Variants in PTPRR observed in about 807,000 individuals in gnomAD.
PTPRR encodes the protein receptor-type tyrosine-protein phosphatase R.
PTPRR carries 38 observed loss-of-function variants against 77.2 expected under a neutral mutation model. The ratio of observed to expected loss-of-function variants is 0.49; its 90% CI spans 0.38 to 0.65. The LOEUF (loss-of-function observed/expected upper bound fraction) is 0.65. Among genes scored for constraint, PTPRR ranks in the 30% least tolerant of loss-of-function variants. PTPRR has a pLI of 0.00. For missense variants in PTPRR, 744 were observed against 799.2 expected, an observed-to-expected ratio of 0.93 and a Z score of 0.83; for synonymous variants, 299 against 283.1, an observed-to-expected ratio of 1.06 and a Z score of -0.57.
chr12:70,661,224 T>A, intron 11 of PTPRR, 127 bp from the exon 12 acceptor site: 1 of 1,245,998 alleles, frequency 8.0e-7, no homozygotes, highest in Non-Finnish European at 1.1e-6. Flanking sequence ...GGGAAAAAAA[T>A]TTAGAAGATT....
intron 2 of PTPRR, among the ~76,000 whole-genome samples, chr12:70,828,143 A>G (rs1321257142): frequency 1.3e-5 from 2 of 152,170 alleles, no homozygotes; most frequent in Non-Finnish European, 2.9e-5. Context: ...AGGGACATAC[A>G]TATTCAGTCT....
intron 1 of PTPRR, among the ~76,000 whole-genome samples, chr12:70,898,970 T>C (rs1370226738): frequency 6.6e-6 from 1 of 151,468 alleles, no homozygotes; most frequent in African/African-American, 2.4e-5. Flanking sequence ...AATTCAACAA[T>C]TTAGATAAAA....
chr12:70,810,844 T>G (rs1308264494), intron 2 of PTPRR, among the ~76,000 whole-genome samples: 1 of 152,182 alleles, frequency 6.6e-6, no homozygotes, highest in African/African-American at 2.4e-5. Flanking sequence ...CCAATTACCT[T>G]TAAGACCTCA....
intron 2 of PTPRR, among the ~76,000 whole-genome samples, chr12:70,865,507 G>A (rs1214789188): frequency 6.6e-6 from 1 of 152,090 alleles, no homozygotes; most frequent in African/African-American, 2.4e-5. Flanking sequence ...GCCTCGCCTA[G>A]GTGTTGGTGG....
At chr12:70,834,836 C>T (rs1319984725) in intron 2 of PTPRR, among the ~76,000 whole-genome samples, 1 of 152,134 alleles carries the variant, frequency 6.6e-6, no homozygotes, top group East Asian at 1.9e-4. Context: ...GCCTTCCTGG[C>T]TAGAGAATAT....
intron 2 of PTPRR, among the ~76,000 whole-genome samples, chr12:70,884,004 A>G (rs1242619856): frequency 6.6e-6 from 1 of 152,170 alleles, no homozygotes; most frequent in Non-Finnish European, 1.5e-5. Flanking sequence ...GGGTCTGTGG[A>G]TATCTCCCAG....
At chr12:70,647,509 C>T (rs1886243880) in intron 13 of PTPRR, among the ~76,000 whole-genome samples, 1 of 152,226 alleles carries the variant, frequency 6.6e-6, no homozygotes, top group Admixed American at 6.5e-5. Flanking sequence ...AAATGACCTT[C>T]TGTCACTATC....
chr12:70,649,782 C>T (rs1886328592), intron 13 of PTPRR, among the ~76,000 whole-genome samples: 1 of 151,962 alleles, frequency 6.6e-6, no homozygotes, highest in Non-Finnish European at 1.5e-5. Context: ...ACCATGTTGG[C>T]CAGGCTGGTT....
At chr12:70,865,762 C>A (rs1448379899) in intron 2 of PTPRR, among the ~76,000 whole-genome samples, 1 of 152,076 alleles carries the variant, frequency 6.6e-6, no homozygotes, top group Non-Finnish European at 1.5e-5. Flanking sequence ...AACTCAGATA[C>A]TTAATACAGG....
At chr12:70,756,096 G>T (rs1048071092) in intron 4 of PTPRR, among the ~76,000 whole-genome samples, 1 of 152,016 alleles carries the variant, frequency 6.6e-6, no homozygotes, top group Non-Finnish European at 1.5e-5. Flanking sequence ...TTAGGTGGGT[G>T]GAAAGAGATT....
intron 6 of PTPRR, among the ~76,000 whole-genome samples, chr12:70,723,339 C>CT (rs1027133661): frequency 2.3e-4 from 35 of 148,946 alleles, no homozygotes; most frequent in Admixed American, 5.4e-4. Context: ...TTTTTGAGGG[C>CT]TTTTTTTTTT....
At chr12:70,814,767 G>T (rs1891871172) in intron 2 of PTPRR, among the ~76,000 whole-genome samples, 1 of 152,170 alleles carries the variant, frequency 6.6e-6, no homozygotes, top group Non-Finnish European at 1.5e-5. Context: ...AACTGCTCTG[G>T]TTCCACCTAG....
chr12:70,764,891 A>G (rs1890778970), intron 2 of PTPRR, 113 bp from the exon 3 acceptor site: 1 of 725,130 alleles, frequency 1.4e-6, no homozygotes, highest in Non-Finnish European at 2.3e-6. Flanking sequence ...TTGACTCATG[A>G]CTGACCACAG....
chr12:70,881,890 C>T (rs949246577), intron 2 of PTPRR, among the ~76,000 whole-genome samples: 1 of 152,040 alleles, frequency 6.6e-6, no homozygotes, highest in African/African-American at 2.4e-5. Context: ...TTAAGATAAG[C>T]GTAAGGAAAG....
At chr12:70,698,822 C>T (rs1888324288) in intron 7 of PTPRR, among the ~76,000 whole-genome samples, 1 of 151,966 alleles carries the variant, frequency 6.6e-6, no homozygotes, top group South Asian at 2.1e-4. Context: ...ATATAAAGGG[C>T]TTTTTTGTTA....
At chr12:70,731,899 G>A (rs1026276221) in intron 6 of PTPRR, among the ~76,000 whole-genome samples, 1 of 152,226 alleles carries the variant, frequency 6.6e-6, no homozygotes, top group African/African-American at 2.4e-5. Context: ...TCTTGATGGG[G>A]TCAGGGAACA....
intron 2 of PTPRR, among the ~76,000 whole-genome samples, chr12:70,774,965 C>T (rs973952403): frequency 2.0e-5 from 3 of 152,192 alleles, no homozygotes; most frequent in African/African-American, 7.2e-5. Flanking sequence ...AAGGCAACAG[C>T]TTTCAAGTTG....
chr12:70,845,387 G>A lies in PTPRR; in HGVS notation c.357+47292C>T, dbSNP rs117474572. Among the ~76,000 whole-genome samples, 1,197 of 152,318 alleles carry A rather than the reference G, an allele frequency of 7.9e-3. 9 individuals carry two copies. The highest frequency in any genetic ancestry group is 0.01 in the Non-Finnish European group (688 of 68,004). ...ACCATACTAGGGATTGCATTGGACA[G>A]AGCCTTAATGTATGTACATGATCTA... On this transcript the variant is annotated intron_variant, in intron 2 of 13. Transcript: ENST00000283228.
chr12:70,825,633 T>C (rs186002516), intron 2 of PTPRR, among the ~76,000 whole-genome samples: 11 of 152,358 alleles, frequency 7.2e-5, no homozygotes, highest in Admixed American at 6.5e-4. Context: ...TTGGAATTAC[T>C]CTCCCACTCA....
Sources: allele counts gnomAD v4.1 joint callset (sites outside exome capture counted in the v4.1 genomes callset), GRCh38; gene constraint gnomAD v4.1.1; transcripts MANE v1.5; gene names NCBI Gene and HGNC (gene_info 2026-07-23, HGNC 2026-07-21).